Variants in EGFLAM observed in about 807,000 individuals in gnomAD.
EGFLAM encodes pikachurin.
Under a neutral mutation model 113.1 loss-of-function variants are expected in EGFLAM, and 79 were observed. That is an observed-to-expected ratio of 0.70 (90% CI 0.58 to 0.84). The LOEUF is 0.84. EGFLAM is among the 40% of genes least tolerant of loss of function. The probability of loss-of-function intolerance (pLI) is 0.00; values close to 1 mark genes in which losing one functional copy is unlikely to be tolerated. For missense variants in EGFLAM, 1,265 were observed against 1,291.6 expected (o/e 0.98, Z 0.32); for synonymous variants, 504 against 487.6 (o/e 1.03, Z -0.44).
At chr5:38,435,656 G>C (rs747016461) in intron 16 of EGFLAM, among the ~76,000 whole-genome samples, 20 of 152,022 alleles carry the variant, frequency 1.3e-4, no homozygotes, top group Non-Finnish European at 2.8e-4. Context: ...CTCAACATTA[G>C]AGCCAGTGCT....
At chr5:38,447,803 T>TCAGAAATG (rs1218987002) in intron 17 of EGFLAM, among the ~76,000 whole-genome samples, 1 of 150,158 alleles carries the variant, frequency 6.7e-6, no homozygotes, top group East Asian at 1.9e-4. Context: ...TGGAAAGTGA[T>TCAGAAATG]CAGAAATGCG....
intron 1 of EGFLAM, among the ~76,000 whole-genome samples, chr5:38,326,645 A>G (rs1738891924): frequency 6.6e-6 from 1 of 151,384 alleles, no homozygotes; most frequent in African/African-American, 2.4e-5. Flanking sequence ...GGCACCTGCC[A>G]CCACGCCTGG....
chr5:38,406,272 GGTGTTT>G, intron 7 of EGFLAM, 31 bp downstream of exon 7: 1 of 1,592,212 alleles, frequency 6.3e-7, no homozygotes, highest in Non-Finnish European at 8.6e-7. Context: ...TAAAACCCAG[GGTGTTT>G]GTGTTTTCTT....
At position 38,263,329 on chromosome 5, in the gene EGFLAM, G is replaced by A. The variant is rs538651873; in HGVS notation, c.97+4478G>A. On this transcript the variant is annotated intron_variant, in intron 1 of 21. Transcript: ENST00000322350. The stretch of plus-strand genomic sequence containing the variant: ...ATACAAAAATTAGCCGGGCTTGGTG[G>A]CGCGTGCCTGTAGTCTCAGCTACTT... Among the ~76,000 whole-genome samples the A allele has an allele frequency of 6.6e-5, 10 of 152,272 alleles. No individual in the cohort carries two copies. The East Asian group carries it at 1.7e-3, about 26-fold the overall frequency.
chr5:38,294,163 G>T (rs1357361169), intron 1 of EGFLAM, among the ~76,000 whole-genome samples: 2 of 152,128 alleles, frequency 1.3e-5, no homozygotes, highest in Admixed American at 1.3e-4. Flanking sequence ...TGGACTCCTT[G>T]TTATAGGTTA....
intron 1 of EGFLAM, among the ~76,000 whole-genome samples, chr5:38,288,383 C>T (rs970048348): frequency 6.6e-6 from 1 of 152,154 alleles, no homozygotes; most frequent in Non-Finnish European, 1.5e-5. Flanking sequence ...AAACATATTG[C>T]CAGGAAAGAT....
intron 1 of EGFLAM, chr5:38,305,447 T>C: frequency 4.4e-6 from 2 of 454,964 alleles, no homozygotes; most frequent in South Asian, 1.6e-5. Context: ...TGTTGGAGGA[T>C]GACTGTCACG....
intron 1 of EGFLAM, among the ~76,000 whole-genome samples, chr5:38,265,546 G>C (rs1757612266): frequency 6.6e-6 from 1 of 152,240 alleles, no homozygotes; most frequent in Non-Finnish European, 1.5e-5. Context: ...AAGGTGAGGA[G>C]ATATGGCAGC....
intron 5 of EGFLAM, among the ~76,000 whole-genome samples, chr5:38,364,654 A>G (rs1262524341): frequency 2.6e-5 from 4 of 152,144 alleles, no homozygotes; most frequent in African/African-American, 7.2e-5. Flanking sequence ...GATCGTGCAG[A>G]CATCTCAAGG....
intron 19 of EGFLAM, 25 bp from the exon 20 acceptor site, chr5:38,458,286 G>T (rs1561106599): frequency 1.9e-6 from 3 of 1,609,138 alleles, no homozygotes; most frequent in Non-Finnish European, 2.5e-6. Context: ...TCTGTTCTCT[G>T]TCTTCTTCTT....
chr5:38,270,053 A>C (rs1024472891), intron 1 of EGFLAM, among the ~76,000 whole-genome samples: 1 of 152,234 alleles, frequency 6.6e-6, no homozygotes, highest in Non-Finnish European at 1.5e-5. Context: ...CACGCTCTTC[A>C]ACCAGGCTTC....
intron 6 of EGFLAM, among the ~76,000 whole-genome samples, chr5:38,379,860 T>C (rs1186446924): frequency 6.6e-6 from 1 of 150,510 alleles, no homozygotes; most frequent in Non-Finnish European, 1.5e-5. Context: ...AGCTCTAGAG[T>C]TACAGTATCA....
Position 38,406,165 on chromosome 5 carries a change from A to T in EGFLAM, c.752A>T (p.Tyr251Phe), listed in dbSNP as rs1396307329. 46 of 1,614,174 alleles carry T rather than the reference A, an allele frequency of 2.8e-5. No homozygotes were observed. The highest frequency in any genetic ancestry group is 3.9e-5 in the Non-Finnish European group (46 of 1,180,016). The change falls in exon 7 of 22, where the codon TAT (tyrosine) becomes TTT (phenylalanine). Residue 251 changes from tyrosine (Y) to phenylalanine (F), a missense_variant. Physicochemically the swap from Tyr to Phe is conservative, Grantham distance 22 (BLOSUM62 3). Coordinates refer to ENST00000322350, the MANE Select transcript of EGFLAM (RefSeq NM_152403.4). ...GGAAGTGGCCGCTATGGACCCCGTT[A>T]TATCACCGACATGGGAGCTGGTGAG... Reference protein sequence around the residue: ...EAGSGRYGPRYITDMGAGEDD... With the variant: ...EAGSGRYGPRFITDMGAGEDD...
chr5:38,261,768 G>T lies in EGFLAM; in HGVS notation c.97+2917G>T, dbSNP rs140255699. On this transcript the variant is annotated intron_variant, in intron 1 of 21. Transcript: ENST00000322350. ...CAACAGAGTGCATATGATACTGAAA[G>T]AATTTTGGAAGCTACTGTCTACTGG... Among the ~76,000 whole-genome samples, 880 of 152,162 alleles carry T rather than the reference G, an allele frequency of 5.8e-3. 5 individuals carry two copies. Among genetic ancestry groups the T allele is most frequent in the Non-Finnish European group, 9.6e-3 (655 of 68,022 alleles).
chr5:38,413,206 T>C (rs1448256408), intron 11 of EGFLAM, among the ~76,000 whole-genome samples: 1 of 146,410 alleles, frequency 6.8e-6, no homozygotes, highest in Admixed American at 6.8e-5. Context: ...TTTTTTTTTT[T>C]TTTGTAGAGT....
intron 3 of EGFLAM, among the ~76,000 whole-genome samples, chr5:38,344,692 C>T (rs556190036): frequency 6.6e-6 from 1 of 152,272 alleles, no homozygotes; most frequent in African/African-American, 2.4e-5. Context: ...TTCACTTGAT[C>T]AGAGGGCCAG....
At chr5:38,344,262 G>C (rs908706628) in intron 3 of EGFLAM, among the ~76,000 whole-genome samples, 5 of 152,212 alleles carry the variant, frequency 3.3e-5, no homozygotes, top group African/African-American at 1.2e-4. Context: ...GAGGTGGGCA[G>C]ATCACCTGAG....
intron 17 of EGFLAM, among the ~76,000 whole-genome samples, chr5:38,447,869 G>T (rs756734909): frequency 6.6e-6 from 1 of 152,060 alleles, no homozygotes; most frequent in Non-Finnish European, 1.5e-5. Context: ...TAGCTTAAAA[G>T]GTTCTGCAGC....
intron 6 of EGFLAM, among the ~76,000 whole-genome samples, chr5:38,387,848 T>C (rs574071116): frequency 6.6e-6 from 1 of 152,328 alleles, no homozygotes; most frequent in South Asian, 2.1e-4. Context: ...GTCTATGAGG[T>C]TTTCTTCTAA....
Sources: allele counts gnomAD v4.1 joint callset (sites outside exome capture counted in the v4.1 genomes callset), GRCh38; gene constraint gnomAD v4.1.1; transcripts MANE v1.5; gene names NCBI Gene and HGNC (gene_info 2026-07-23, HGNC 2026-07-21).